Variants in UBA6 observed in about 807,000 individuals in gnomAD.
UBA6 encodes the protein ubiquitin like modifier activating enzyme 6.
Under a neutral mutation model 148.3 loss-of-function variants are expected in UBA6, and 87 were observed. That is an observed-to-expected ratio of 0.59 (90% confidence interval 0.49 to 0.70). The LOEUF (loss-of-function observed/expected upper bound fraction) is 0.70. Among genes scored for constraint, UBA6 ranks in the 30% least tolerant of loss-of-function variants. The pLI is 0.00. For synonymous variants in UBA6, 376 were observed against 401.0 expected (o/e 0.94, Z 0.75); for missense variants, 1,186 against 1,241.2 (o/e 0.96, Z 0.67).
In UBA6 at chr4:67,663,342, C is replaced by G. The variant is rs77944322; in HGVS notation, c.961-127G>C. On this transcript the variant is annotated intron_variant, in intron 11 of 32. Transcript: ENST00000322244. ...CACATTAGCTTAATACTGTTATTAA[C>G]TCTATTTAACAAATAAGAAACCTGA... 1.6e-3 allele frequency: 938 copies of G among 581,264 alleles called. 10 individuals carry two copies. The highest frequency in any genetic ancestry group is 0.016 in the African/African-American group (840 of 52,644). The allele number at this position is 581,264 out of a possible 1,614,324, so 36.0% of individuals were successfully genotyped here. A position where few individuals can be genotyped will look rare whatever the true frequency, so the allele number is the denominator to read the frequency against.
chr4:67,661,008 G>C (rs1412086933), intron 13 of UBA6, among the ~76,000 whole-genome samples: 1 of 152,072 alleles, frequency 6.6e-6, no homozygotes, highest in Non-Finnish European at 1.5e-5. Context: ...AAGTCCCTTT[G>C]TTTTGTCCAA....
At chr4:67,664,532 C>A (rs888963063) in intron 10 of UBA6, among the ~76,000 whole-genome samples, 5 of 151,764 alleles carry the variant, frequency 3.3e-5, no homozygotes, top group Non-Finnish European at 7.4e-5. Context: ...TATGTTAAAA[C>A]CTTGAGAACT....
intron 6 of UBA6, among the ~76,000 whole-genome samples, chr4:67,676,961 TTTG>T (rs1371286823): frequency 6.6e-6 from 1 of 152,096 alleles, no homozygotes; most frequent in African/African-American, 2.4e-5. Flanking sequence ...TCCTGGGAAT[TTTG>T]TTGTTGTTAT....
chr4:67,679,750 T>G (rs1730385810), intron 4 of UBA6, among the ~76,000 whole-genome samples: 1 of 152,080 alleles, frequency 6.6e-6, no homozygotes, highest in Admixed American at 6.6e-5. Context: ...TAATCCAAAG[T>G]AAAAATTAGA....
intron 30 of UBA6, 111 bp downstream of exon 30, chr4:67,624,015 A>T: frequency 1.1e-6 from 1 of 903,284 alleles, no homozygotes; most frequent in Non-Finnish European, 1.6e-6. Flanking sequence ...GCAAAAATTT[A>T]CACATACACA....
chr4:67,622,495 A>G (rs1262528710), intron 32 of UBA6, among the ~76,000 whole-genome samples: 1 of 152,240 alleles, frequency 6.6e-6, no homozygotes, highest in African/African-American at 2.4e-5. Context: ...CTGGCACCTT[A>G]AACAATAATT....
Position 67,677,632 on chromosome 4 carries a change from G to A in UBA6, c.444C>T (p.Leu148=), listed in dbSNP as rs1241310103. 1 of 1,580,660 alleles carries A rather than the reference G, an allele frequency of 6.3e-7. No individual in the cohort carries two copies. Among genetic ancestry groups the A allele is most frequent in the East Asian group, 2.3e-5 (1 of 44,204 alleles). ...TAACCTGGTATTTATCTAAAAAGGA[G>A]AGATCTGTGGTCTCATTGAAAGGAA... ...SSVPFNETTD[L]SFLDKYQCVV... Residue 148 remains leucine, a synonymous_variant, in exon 6 of 33, where the codon CTC becomes CTT. Coordinates refer to ENST00000322244, the MANE Select transcript of UBA6 (RefSeq NM_018227.6).
At chr4:67,661,415 C>T in intron 13 of UBA6, among the ~76,000 whole-genome samples, 1 of 152,142 alleles carries the variant, frequency 6.6e-6, no homozygotes, top group East Asian at 1.9e-4. Context: ...AAGAACCTGG[C>T]AGTTCCCCTG....
chr4:67,661,989 A>AT (rs1729869843), intron 13 of UBA6, 200 bp downstream of exon 13: 1 of 470,858 alleles, frequency 2.1e-6, no homozygotes, highest in Non-Finnish European at 3.7e-6. Flanking sequence ...AAATTAAATT[A>AT]TTTAATGTTC....
At chr4:67,664,762 A>G (rs1028145198) in intron 10 of UBA6, among the ~76,000 whole-genome samples, 1 of 152,152 alleles carries the variant, frequency 6.6e-6, no homozygotes, top group African/African-American at 2.4e-5. Context: ...ACCAGGATTA[A>G]CAAGTATAAT....
At chr4:67,633,508 T>G in intron 22 of UBA6, 35 bp from the exon 23 acceptor site, 7 of 1,556,126 alleles carry the variant, frequency 4.5e-6, no homozygotes, top group Non-Finnish European at 6.0e-6. Flanking sequence ...TCAACATACT[T>G]CCAATTACAA....
intron 2 of UBA6, among the ~76,000 whole-genome samples, chr4:67,694,216 A>C (rs1363234932): frequency 2.9e-4 from 2 of 6,916 alleles, no homozygotes; most frequent in Non-Finnish European, 6.8e-4. Context: ...ACTCCATCTC[A>C]AAAAAAAAAA....
chr4:67,635,842 T>C (rs1441015691), intron 19 of UBA6, among the ~76,000 whole-genome samples: 1 of 145,386 alleles, frequency 6.9e-6, no homozygotes, highest in Non-Finnish European at 1.5e-5. Context: ...TTATATTTCT[T>C]CTTTGGTTAT....
rs1483479018 is a variant in UBA6 at position 67,618,403 on chromosome 4, G to A, written c.*594C>T. 1 of 152,574 alleles carries A rather than the reference G, an allele frequency of 6.6e-6. No individual in the cohort carries two copies. The allele number at this position is 152,574 out of a possible 1,614,324, so 9.5% of individuals were successfully genotyped here. On this transcript the variant is annotated 3_prime_UTR_variant, in exon 33 of 33. Coordinates refer to ENST00000322244, the MANE Select transcript of UBA6 (RefSeq NM_018227.6). Reference sequence around the variant, plus strand: ...TGCTATCAACAAAAATCCTGATTTTGGGGACACAGTGATATAACAAACTGG... The same window carrying A: ...TGCTATCAACAAAAATCCTGATTTTAGGGACACAGTGATATAACAAACTGG...
chr4:67,653,489 C>T (rs1349658311), intron 13 of UBA6, among the ~76,000 whole-genome samples: 1 of 152,174 alleles, frequency 6.6e-6, no homozygotes, highest in Non-Finnish European at 1.5e-5. Flanking sequence ...ATAGCATCAA[C>T]ATCAACAAAA....
chr4:67,680,915 T>C (rs1040330396), intron 4 of UBA6, among the ~76,000 whole-genome samples: 2 of 152,122 alleles, frequency 1.3e-5, no homozygotes, highest in African/African-American at 4.8e-5. Context: ...AGTTTAACAA[T>C]ACATGAAGAA....
At position 67,633,325 on chromosome 4, in the gene UBA6, G is replaced by A; in HGVS notation, c.2142+20C>T. 6.4e-7 allele frequency: 1 copy of A among 1,557,754 alleles called. No individual in the cohort carries two copies. The highest frequency in any genetic ancestry group is 1.4e-5 in the African/African-American group (1 of 72,526). ...AGCCAAGATCAGACCTTTTCTTAAT[G>A]TCTCACAATGCATACTTACCTTATG... On this transcript the variant is annotated intron_variant, in intron 23 of 32. Coordinates refer to ENST00000322244, the MANE Select transcript of UBA6 (RefSeq NM_018227.6).
intron 2 of UBA6, among the ~76,000 whole-genome samples, chr4:67,694,399 T>C (rs1403844551): frequency 6.6e-6 from 1 of 151,130 alleles, no homozygotes; most frequent in African/African-American, 2.4e-5. Context: ...ATTTCTTTTT[T>C]TTTTTTTCTT....
At chr4:67,673,920 T>G in intron 6 of UBA6, 143 bp from the exon 7 acceptor site, 27 of 455,396 alleles carry the variant, frequency 5.9e-5, no homozygotes, top group East Asian at 1.1e-4. Flanking sequence ...CGGAATTCCA[T>G]TCCAAGGTTA....
Sources: gnomAD v4.1 joint callset for allele counts (sites outside exome capture counted in the v4.1 genomes callset) on GRCh38, gnomAD v4.1.1 for gene constraint, MANE v1.5 for transcripts, NCBI Gene and HGNC (gene_info 2026-07-23, HGNC 2026-07-21) for gene names.